GALNTL6: variants seen among roughly 807,000 people sequenced by gnomAD.
The protein encoded by GALNTL6 is polypeptide N-acetylgalactosaminyltransferase-like 6.
GALNTL6 carries 46 observed loss-of-function variants against 73.7 expected under a neutral mutation model. That is an observed-to-expected ratio of 0.62 (90% CI 0.49 to 0.80). The LOEUF (loss-of-function observed/expected upper bound fraction) is 0.80. Ranked by LOEUF, GALNTL6 falls within the 30% of genes least tolerant of loss-of-function variation. The probability of loss-of-function intolerance (pLI) is 0.00; values close to 1 mark genes in which losing one functional copy is unlikely to be tolerated. For missense variants in GALNTL6, 604 were observed against 755.0 expected (o/e 0.80, Z 2.34); for synonymous variants, 259 against 263.7 (o/e 0.98, Z 0.17).
chr4:171,967,243 G>A (rs1261500507), intron 2 of GALNTL6, among the ~76,000 whole-genome samples: 1 of 152,206 alleles, frequency 6.6e-6, no homozygotes, highest in Non-Finnish European at 1.5e-5. Flanking sequence ...GGCTTGTTGA[G>A]TACCGTGTTG....
intron 3 of GALNTL6, among the ~76,000 whole-genome samples, chr4:172,281,444 G>C (rs1294843849): frequency 6.6e-6 from 1 of 151,644 alleles, no homozygotes; most frequent in Non-Finnish European, 1.5e-5. Context: ...CCTGTAATCC[G>C]AGCACTTTGG....
At chr4:172,836,985 C>A (rs994073027) in intron 7 of GALNTL6, among the ~76,000 whole-genome samples, 4 of 152,132 alleles carry the variant, frequency 2.6e-5, no homozygotes, top group African/African-American at 7.2e-5. Context: ...GGGAAAGTTA[C>A]CCTTGCGAAA....
At chr4:172,906,698 C>T (rs2610203) in intron 8 of GALNTL6, among the ~76,000 whole-genome samples, 5,865 of 152,336 alleles carry the variant, frequency 0.039, 396 homozygotes, top group African/African-American at 0.13. Flanking sequence ...ATCTGGAGAT[C>T]ACTTTCAGCT....
intron 12 of GALNTL6, among the ~76,000 whole-genome samples, chr4:173,024,400 T>C (rs1255305238): frequency 2.0e-5 from 3 of 152,242 alleles, no homozygotes; most frequent in Non-Finnish European, 2.9e-5. Flanking sequence ...TTCTGAAATA[T>C]CACATCTTGG....
At chr4:171,824,817 G>A (rs773212613) in intron 2 of GALNTL6, among the ~76,000 whole-genome samples, 1 of 152,036 alleles carries the variant, frequency 6.6e-6, no homozygotes, top group Non-Finnish European at 1.5e-5. Context: ...TTTGAATCAT[G>A]TTTAACTTCT....
At chr4:172,915,047 G>T (rs1204682171) in intron 8 of GALNTL6, among the ~76,000 whole-genome samples, 1 of 152,148 alleles carries the variant, frequency 6.6e-6, no homozygotes, top group Admixed American at 6.5e-5. Flanking sequence ...ATAACAAACT[G>T]TCTCTCAGAC....
chr4:172,133,482 G>A (rs1053058596), intron 2 of GALNTL6, among the ~76,000 whole-genome samples: 1 of 152,164 alleles, frequency 6.6e-6, no homozygotes, highest in African/African-American at 2.4e-5. Flanking sequence ...AGCATAGCTG[G>A]CTCTCAAATA....
At chr4:172,503,554 T>A (rs1464728484) in intron 5 of GALNTL6, among the ~76,000 whole-genome samples, 1 of 60,972 alleles carries the variant, frequency 1.6e-5, no homozygotes, top group African/African-American at 1.2e-4. Context: ...ATATATGTAT[T>A]AGTTTTTTGT....
intron 2 of GALNTL6, among the ~76,000 whole-genome samples, chr4:171,954,586 T>C (rs1738986535): frequency 6.6e-6 from 1 of 152,204 alleles, no homozygotes; most frequent in Non-Finnish European, 1.5e-5. Flanking sequence ...TACATACATA[T>C]TTGTGAAACA....
chr4:172,243,287 C>CT (rs1338119862), intron 3 of GALNTL6, among the ~76,000 whole-genome samples: 1 of 152,180 alleles, frequency 6.6e-6, no homozygotes, highest in African/African-American at 2.4e-5. Flanking sequence ...TTAGAAAGGC[C>CT]TGCCAATCAC....
At chr4:171,940,830 A>AATAAATAAATAAATAG (rs1738513267) in intron 2 of GALNTL6, among the ~76,000 whole-genome samples, 1 of 114,362 alleles carries the variant, frequency 8.7e-6, no homozygotes, top group African/African-American at 2.8e-5. Flanking sequence ...AAAATAAATA[A>AATAAATAAATAAATAG]ATAAATAAAT....
chr4:172,606,726 T>A (rs1738319497), intron 5 of GALNTL6, among the ~76,000 whole-genome samples: 1 of 132,792 alleles, frequency 7.5e-6, no homozygotes, highest in Non-Finnish European at 1.6e-5. Context: ...TATATATATA[T>A]ACTACTATTG....
At chr4:172,400,135 C>T (rs1743987914) in intron 5 of GALNTL6, among the ~76,000 whole-genome samples, 2 of 152,104 alleles carry the variant, frequency 1.3e-5, no homozygotes, top group South Asian at 4.1e-4. Flanking sequence ...TCTCAGTCCT[C>T]AATTATCACC....
At chr4:172,604,871 T>C (rs908706886) in intron 5 of GALNTL6, among the ~76,000 whole-genome samples, 19 of 152,208 alleles carry the variant, frequency 1.2e-4, no homozygotes, top group African/African-American at 4.6e-4. Context: ...ACATCAGTCT[T>C]CACTAGTGAT....
chr4:172,083,859 CT>C (rs1423867648), intron 2 of GALNTL6, among the ~76,000 whole-genome samples: 1 of 152,114 alleles, frequency 6.6e-6, no homozygotes, highest in Non-Finnish European at 1.5e-5. Context: ...GCCTCATGTA[CT>C]GTATGAGTTC....
chr4:172,878,963 C>CTATCAAGTAA (rs1745323215), intron 7 of GALNTL6, among the ~76,000 whole-genome samples: 2 of 151,570 alleles, frequency 1.3e-5, no homozygotes, highest in Non-Finnish European at 3.0e-5. Context: ...GCTGGAGTGA[C>CTATCAAGTAA]TATAGTAATA....
chr4:172,282,722 CTA>C (rs1464592998), intron 3 of GALNTL6, among the ~76,000 whole-genome samples: 6 of 146,970 alleles, frequency 4.1e-5, no homozygotes, highest in African/African-American at 1.5e-4. Flanking sequence ...AAATCAGTAA[CTA>C]AAAGGATTAG....
At chr4:172,615,676 A>G (rs1738698999) in intron 5 of GALNTL6, among the ~76,000 whole-genome samples, 1 of 152,190 alleles carries the variant, frequency 6.6e-6, no homozygotes, top group Admixed American at 6.5e-5. Context: ...TAACTCTTAC[A>G]TATCTAGTGA....
chr4:172,343,311 G>A (rs564663113), intron 4 of GALNTL6, among the ~76,000 whole-genome samples: 5 of 152,232 alleles, frequency 3.3e-5, no homozygotes, highest in Middle Eastern at 3.4e-3. Flanking sequence ...ACAACAATAG[G>A]CAGCGAGAAG....
Sources: allele counts gnomAD v4.1 joint callset (sites outside exome capture counted in the v4.1 genomes callset), GRCh38; gene constraint gnomAD v4.1.1; transcripts MANE v1.5; gene names NCBI Gene and HGNC (gene_info 2026-07-23, HGNC 2026-07-21).